Variants in EXOC4 observed in about 807,000 individuals in gnomAD.
The protein encoded by EXOC4 is exocyst complex component 4.
In EXOC4, 71 loss-of-function variants were observed where a neutral mutation model predicts 107.2. The ratio of observed to expected loss-of-function variants is 0.66; its 90% CI spans 0.55 to 0.81. The LOEUF is 0.81. EXOC4 is among the 30% of genes least tolerant of loss of function. The pLI, the probability that EXOC4 is intolerant of heterozygous loss-of-function variation, is 0.00. For synonymous variants in EXOC4, 456 were observed against 441.2 expected (o/e 1.03, Z -0.42); for missense variants, 1,108 against 1,189.6 (o/e 0.93, Z 1.01).
rs76628032 is a variant in EXOC4, at chr7:133,542,168, C to T, written c.1417+62030C>T. On this transcript the variant is annotated intron_variant, in intron 9 of 17. Coordinates refer to ENST00000253861, the MANE Select transcript of EXOC4 (RefSeq NM_021807.4). ...TGGAGAAAAGGCAGACAAATTTTAT[C>T]TTGTGTGTGTGTGTGTGTGTGTGTG... is the stretch of plus-strand genomic sequence containing the variant. Among the ~76,000 whole-genome samples, 44 of 48,978 alleles carry T rather than the reference C, an allele frequency of 9.0e-4. 1 individual carries two copies. The East Asian group carries it at 0.029, about 32-fold the overall frequency. The allele number at this position is 48,978 out of a possible 152,430, so 32.1% of individuals were successfully genotyped here.
intron 17 of EXOC4, among the ~76,000 whole-genome samples, chr7:134,047,792 A>G (rs1432852479): frequency 6.6e-6 from 1 of 152,072 alleles, no homozygotes; most frequent in Non-Finnish European, 1.5e-5. Flanking sequence ...TCATATTTGT[A>G]CTCCTGATTT....
intron 10 of EXOC4, among the ~76,000 whole-genome samples, chr7:133,777,853 T>G (rs1796378754): frequency 6.6e-6 from 1 of 152,186 alleles, no homozygotes; most frequent in Admixed American, 6.5e-5. Context: ...CTCTGGCGTA[T>G]AGCTAGTATA....
intron 10 of EXOC4, among the ~76,000 whole-genome samples, chr7:133,776,165 A>G (rs1796341223): frequency 6.6e-6 from 1 of 152,234 alleles, no homozygotes; most frequent in African/African-American, 2.4e-5. Flanking sequence ...AAAGATACTG[A>G]GTTTTTCAGT....
At chr7:133,694,308 A>G (rs983185752) in intron 10 of EXOC4, among the ~76,000 whole-genome samples, 1 of 151,778 alleles carries the variant, frequency 6.6e-6, no homozygotes, top group African/African-American at 2.4e-5. Flanking sequence ...TCTCAGACCT[A>G]TGGAAGCAGA....
intron 9 of EXOC4, among the ~76,000 whole-genome samples, chr7:133,509,049 T>C (rs1363801237): frequency 6.6e-6 from 1 of 152,182 alleles, no homozygotes; most frequent in Non-Finnish European, 1.5e-5. Flanking sequence ...TCCTCCTTTT[T>C]TACCCCTTCT....
chr7:133,913,634 TAGAGAG>T (rs371724172), intron 12 of EXOC4, among the ~76,000 whole-genome samples: 1 of 150,116 alleles, frequency 6.7e-6, no homozygotes, highest in Non-Finnish European at 1.5e-5. Context: ...TGCTCAGTGG[TAGAGAG>T]AGAGAGAGAG....
chr7:134,011,081 T>C (rs762042428), intron 17 of EXOC4, among the ~76,000 whole-genome samples: 2 of 152,130 alleles, frequency 1.3e-5, no homozygotes, highest in Non-Finnish European at 2.9e-5. Flanking sequence ...ATTTTCAGAG[T>C]CAAAAAGATA....
intron 9 of EXOC4, among the ~76,000 whole-genome samples, chr7:133,504,350 C>A (rs574586182): frequency 6.6e-6 from 1 of 152,076 alleles, no homozygotes; most frequent in Admixed American, 6.6e-5. Context: ...AAAAGCAAAG[C>A]TATTCTAGGT....
intron 3 of EXOC4, among the ~76,000 whole-genome samples, chr7:133,298,415 G>T (rs1794567283): frequency 6.6e-6 from 1 of 152,094 alleles, no homozygotes; most frequent in African/African-American, 2.4e-5. Context: ...TTGTCCCAGA[G>T]TAACAAATAA....
intron 13 of EXOC4, among the ~76,000 whole-genome samples, chr7:133,919,448 G>A (rs1455942322): frequency 6.6e-6 from 1 of 152,094 alleles, no homozygotes; most frequent in Non-Finnish European, 1.5e-5. Flanking sequence ...TTTGACACAT[G>A]TATAAGGAAT....
rs1161718317 is a variant in EXOC4, at chr7:133,883,992, A to G, written c.1735-11607A>G. 3.3e-4 allele frequency among the ~76,000 whole-genome samples: 51 copies of G among 152,254 alleles called. 1 individual carries two copies. Among genetic ancestry groups the G allele is most frequent in the Admixed American group, 3.3e-3 (51 of 15,284 alleles). The stretch of plus-strand genomic sequence containing the variant: ...ATTATCATTGTTTACAGCCAGCTAC[A>G]GCTTAGAGCTGATAGTAACTGGAGA... On this transcript the variant is annotated intron_variant, in intron 11 of 17. Transcript: ENST00000253861.
chr7:134,017,961 A>G (rs1366138421), intron 17 of EXOC4, among the ~76,000 whole-genome samples: 2 of 152,232 alleles, frequency 1.3e-5, no homozygotes, highest in Non-Finnish European at 2.9e-5. Flanking sequence ...AATTGGAATG[A>G]TTCAGAGATT....
chr7:133,508,176 T>C (rs1398800190), intron 9 of EXOC4, among the ~76,000 whole-genome samples: 1 of 152,198 alleles, frequency 6.6e-6, no homozygotes, highest in Non-Finnish European at 1.5e-5. Context: ...TCTTATATCA[T>C]TGTCCTTGAG....
chr7:133,734,311 C>G (rs1795393098), intron 10 of EXOC4, among the ~76,000 whole-genome samples: 1 of 152,110 alleles, frequency 6.6e-6, no homozygotes, highest in Non-Finnish European at 1.5e-5. Flanking sequence ...CCTGTGCAGT[C>G]ATTATCACAT....
intron 5 of EXOC4, among the ~76,000 whole-genome samples, chr7:133,317,666 C>G (rs1795021276): frequency 6.6e-6 from 1 of 152,046 alleles, no homozygotes; most frequent in Non-Finnish European, 1.5e-5. Context: ...TTGACCAGCA[C>G]TGTTTTTCTT....
chr7:133,961,864 A>G (rs1800952896), intron 14 of EXOC4, among the ~76,000 whole-genome samples: 1 of 152,206 alleles, frequency 6.6e-6, no homozygotes, highest in Non-Finnish European at 1.5e-5. Flanking sequence ...TTTGTAGAAC[A>G]CCAACCAGGT....
At chr7:133,345,177 T>C (rs557269880) in intron 5 of EXOC4, among the ~76,000 whole-genome samples, 1 of 152,316 alleles carries the variant, frequency 6.6e-6, no homozygotes, top group South Asian at 2.1e-4. Flanking sequence ...TTTGTCACAT[T>C]ATCTCATTAA....
rs1008763865 is a variant in EXOC4, at chr7:133,923,313, G to A, written c.2027+5575G>A. Among the ~76,000 whole-genome samples, 4 of 152,060 alleles carry A rather than the reference G, an allele frequency of 2.6e-5. No individual in the cohort carries two copies. The East Asian group carries it at 7.8e-4, about 29-fold the overall frequency. On this transcript the variant is annotated intron_variant, in intron 13 of 17. Coordinates refer to ENST00000253861, the MANE Select transcript of EXOC4 (RefSeq NM_021807.4). ...CTGGCTGATTTTTGTATTTTTAGTA[G>A]AGACAGGGTTTCACCATATTGGCCA...
chr7:133,354,323 G>GT (rs1795977301), intron 5 of EXOC4, among the ~76,000 whole-genome samples: 1 of 151,958 alleles, frequency 6.6e-6, no homozygotes, highest in Non-Finnish European at 1.5e-5. Context: ...TTATTGTTTT[G>GT]TTTTATAAAT....
Sources: allele counts gnomAD v4.1 joint callset (sites outside exome capture counted in the v4.1 genomes callset), GRCh38; gene constraint gnomAD v4.1.1; transcripts MANE v1.5; gene names NCBI Gene and HGNC (gene_info 2026-07-23, HGNC 2026-07-21).